Variants in ACBD3 observed in about 807,000 individuals in gnomAD.
The protein encoded by ACBD3 is acyl-CoA binding domain containing 3, also known as Golgi resident protein GCP60.
A neutral mutation model predicts 66.9 loss-of-function variants in ACBD3; 30 were observed. That is an observed-to-expected ratio of 0.45 (90% confidence interval 0.34 to 0.61). ACBD3 has a LOEUF of 0.61. ACBD3 is among the 20% of genes least tolerant of loss of function. ACBD3 has a pLI of 0.02. For missense variants in ACBD3, 544 were observed against 664.5 expected (o/e 0.82, Z 1.99); for synonymous variants, 278 against 259.8 (o/e 1.07, Z -0.68).
intron 3 of ACBD3, 56 bp from the exon 4 acceptor site, chr1:226,161,745 A>C: frequency 6.7e-7 from 1 of 1,498,206 alleles, no homozygotes; most frequent in Non-Finnish European, 8.9e-7. Context: ...TTAAAAATAA[A>C]ACTTTAGCTC....
chr1:226,172,155 C>CAAAAAAAAAAAAAAAAAAAAAAAAAA (rs779380166), intron 1 of ACBD3, among the ~76,000 whole-genome samples: 1 of 43,224 alleles, frequency 2.3e-5, no homozygotes. Flanking sequence ...AACTCCATCT[C>CAAAAAAAAAAAAAAAAAAAAAAAAAA]AAAAAAAAAA....
intron 1 of ACBD3, among the ~76,000 whole-genome samples, chr1:226,183,855 G>C (rs1656231060): frequency 7.9e-6 from 1 of 126,470 alleles, no homozygotes; most frequent in Non-Finnish European, 1.6e-5. Flanking sequence ...TTGCACTCTA[G>C]CCTGAGCAAC....
At chr1:226,182,472 G>T (rs1025876220) in intron 1 of ACBD3, among the ~76,000 whole-genome samples, 2 of 152,028 alleles carry the variant, frequency 1.3e-5, no homozygotes, top group African/African-American at 4.8e-5. Context: ...AAATTAGCTG[G>T]GTGTGGTGGC....
rs376667179 is a variant in ACBD3 at position 226,169,287 on chromosome 1, A to G, written c.287-3287T>C. Among the ~76,000 whole-genome samples the G allele has an allele frequency of 8.3e-4, 125 of 151,404 alleles. No individual in the cohort carries two copies. The East Asian group carries it at 0.01, about 13-fold the overall frequency. On this transcript the variant is annotated intron_variant, in intron 1 of 7. Coordinates refer to ENST00000366812, the MANE Select transcript of ACBD3 (RefSeq NM_022735.4). ...TCTCGAGACAGAGTCTCGCTCTGTC[A>G]CCCAGGCTGGAGTGCCGTGGTGCGA...
At chr1:226,152,921 G>A (rs775986408) in intron 6 of ACBD3, among the ~76,000 whole-genome samples, 7 of 152,200 alleles carry the variant, frequency 4.6e-5, no homozygotes, top group Non-Finnish European at 1.0e-4. Flanking sequence ...ATGACCTTGG[G>A]AAGGCCCCAG....
At position 226,186,353 on chromosome 1, in the gene ACBD3, G is replaced by C. The variant is rs761847358; in HGVS notation, c.286+37C>G. The C allele has an allele frequency of 6.8e-5, 101 of 1,476,786 alleles. 1 individual carries two copies. The Middle Eastern group carries it at 1.4e-3, about 21-fold the overall frequency. The allele number at this position is 1,476,786 out of a possible 1,614,324, so 91.5% of individuals were successfully genotyped here. A position where few individuals can be genotyped will look rare whatever the true frequency, so the allele number is the denominator to read the frequency against. On this transcript the variant is annotated intron_variant, in intron 1 of 7. Transcript: ENST00000366812. The stretch of plus-strand genomic sequence containing the variant: ...CAGCCCACGCCGGGCTCCCGGGGCC[G>C]GGCAGAAGCGGCGGGGGTGGGGCTG...
At chr1:226,176,295 C>T (rs1019019948) in intron 1 of ACBD3, among the ~76,000 whole-genome samples, 9 of 152,068 alleles carry the variant, frequency 5.9e-5, no homozygotes, top group African/African-American at 1.7e-4. Context: ...GCATGGTGCA[C>T]GTGCCTGTAT....
chr1:226,166,208 T>C (rs1004149079), intron 1 of ACBD3, among the ~76,000 whole-genome samples: 3 of 152,052 alleles, frequency 2.0e-5, no homozygotes, highest in African/African-American at 7.2e-5. Flanking sequence ...CAGGCTGGAG[T>C]GCAATGGTGT....
chr1:226,167,094 C>T (rs1659891420), intron 1 of ACBD3, among the ~76,000 whole-genome samples: 1 of 152,080 alleles, frequency 6.6e-6, no homozygotes, highest in African/African-American at 2.4e-5. Context: ...CATGCCCAGC[C>T]CAACAATCGG....
At chr1:226,181,306 T>C (rs945443737) in intron 1 of ACBD3, among the ~76,000 whole-genome samples, 8 of 152,220 alleles carry the variant, frequency 5.3e-5, no homozygotes, top group African/African-American at 1.9e-4. Flanking sequence ...AATGAATAAA[T>C]TACAGCTGTA....
chr1:226,168,744 C>T (rs978600709), intron 1 of ACBD3, among the ~76,000 whole-genome samples: 1 of 152,206 alleles, frequency 6.6e-6, no homozygotes. Flanking sequence ...GCACATACAA[C>T]ACATAATACT....
intron 1 of ACBD3, among the ~76,000 whole-genome samples, chr1:226,182,382 C>T (rs1427554565): frequency 2.6e-5 from 4 of 152,066 alleles, no homozygotes; most frequent in Admixed American, 1.3e-4. Context: ...TTTGGAAGGC[C>T]GAGGCGGGGA....
intron 1 of ACBD3, 23 bp downstream of exon 1, chr1:226,186,367 G>C (rs1433293034): frequency 2.7e-6 from 4 of 1,492,454 alleles, no homozygotes; most frequent in Non-Finnish European, 2.7e-6. Context: ...AGAAGCGGCG[G>C]GGGTGGGGCT....
chr1:226,167,727 GAAAT>G (rs1659902185), intron 1 of ACBD3, among the ~76,000 whole-genome samples: 1 of 152,088 alleles, frequency 6.6e-6, no homozygotes, highest in African/African-American at 2.4e-5. Context: ...ATATAGTGGT[GAAAT>G]AAAATCACTA....
Position 226,146,460 on chromosome 1 carries a change from AT to A in ACBD3, c.*149del. 2.9e-6 allele frequency: 2 copies of A among 682,236 alleles called. No homozygotes were observed. The highest frequency in any genetic ancestry group is 4.9e-6 in the Non-Finnish European group (2 of 411,920). The allele number at this position is 682,236 out of a possible 1,614,324, so 42.3% of individuals were successfully genotyped here. On this transcript the variant is annotated 3_prime_UTR_variant, in exon 8 of 8. Coordinates refer to ENST00000366812, the MANE Select transcript of ACBD3 (RefSeq NM_022735.4). ...ATGAATGCTAAAGAGTCTCAAGGAA[AT>A]TTTGATTCCCAGCAAGAGTTCACAA... is the stretch of plus-strand genomic sequence containing the variant.
chr1:226,168,146 CAAT>C lies in ACBD3; in HGVS notation c.287-2149_287-2147del, dbSNP rs374226769. Among the ~76,000 whole-genome samples, 54 of 152,238 alleles carry C rather than the reference CAAT, an allele frequency of 3.5e-4. No individual in the cohort carries two copies. The East Asian group carries it at 0.01, about 28-fold the overall frequency. Reference sequence around the variant, plus strand: ...TAAATTAGATACAATAAGAGATTAACAATAAAATACTGTATTATATTTGTATAT... The same window carrying C: ...TAAATTAGATACAATAAGAGATTAACAAAATACTGTATTATATTTGTATAT... On this transcript the variant is annotated intron_variant, in intron 1 of 7. Transcript: ENST00000366812.
chr1:226,183,974 G>A (rs770805019), intron 1 of ACBD3, among the ~76,000 whole-genome samples: 8 of 150,788 alleles, frequency 5.3e-5, no homozygotes, highest in Admixed American at 2.7e-4. Flanking sequence ...GGAGGATCAC[G>A]AGGTCAGGAA....
At chr1:226,168,817 C>CAAT (rs10641912) in intron 1 of ACBD3, among the ~76,000 whole-genome samples, 1 of 151,690 alleles carries the variant, frequency 6.6e-6, no homozygotes, top group Non-Finnish European at 1.5e-5. Flanking sequence ...TCTTACACTA[C>CAAT]GTCACAGGTA....
chr1:226,167,964 T>C (rs12411261), intron 1 of ACBD3, among the ~76,000 whole-genome samples: 5,151 of 152,232 alleles, frequency 0.034, 130 homozygotes, highest in Middle Eastern at 0.065. Context: ...TTCTCATATA[T>C]GAATGCTGAA....
Sources: gnomAD v4.1 joint callset for allele counts (sites outside exome capture counted in the v4.1 genomes callset) on GRCh38, gnomAD v4.1.1 for gene constraint, MANE v1.5 for transcripts, NCBI Gene and HGNC (gene_info 2026-07-23, HGNC 2026-07-21) for gene names.